The following ATP9B variants were observed in gnomAD, a reference collection of about 807,000 sequenced individuals.
ATP9B encodes probable phospholipid-transporting ATPase IIB.
A neutral mutation model predicts 146.1 loss-of-function variants in ATP9B; 110 were observed. That is an observed-to-expected ratio of 0.75 (90% CI 0.65 to 0.88). The LOEUF (loss-of-function observed/expected upper bound fraction) is 0.88. ATP9B is among the 40% of genes least tolerant of loss of function. The pLI is 0.00. For synonymous variants in ATP9B, 604 were observed against 569.7 expected (o/e 1.06, Z -0.86); for missense variants, 1,499 against 1,496.4 (o/e 1.00, Z -0.03).
chr18:79,083,865 CTTT>C (rs60063648), intron 1 of ATP9B, among the ~76,000 whole-genome samples: 7 of 139,278 alleles, frequency 5.0e-5, no homozygotes, highest in Middle Eastern at 3.4e-3. Context: ...CCATCTTCTT[CTTT>C]TTTTTTTTTT....
At chr18:79,125,567 A>G (rs891046088) in intron 4 of ATP9B, among the ~76,000 whole-genome samples, 2 of 152,206 alleles carry the variant, frequency 1.3e-5, no homozygotes, top group Non-Finnish European at 2.9e-5. Flanking sequence ...GTCATCATTA[A>G]TAATAGAGAT....
At chr18:79,168,037 C>T (rs2095005246) in intron 7 of ATP9B, among the ~76,000 whole-genome samples, 1 of 152,208 alleles carries the variant, frequency 6.6e-6, no homozygotes, top group Admixed American at 6.5e-5. Flanking sequence ...TACCTGCCAA[C>T]TCGGAAGGGG....
chr18:79,327,605 G>T (rs1414789528), intron 15 of ATP9B, among the ~76,000 whole-genome samples: 9 of 137,878 alleles, frequency 6.5e-5, no homozygotes, highest in African/African-American at 2.5e-4. Context: ...GCCCTCCGTG[G>T]TTAGCGTGCC....
chr18:79,139,000 C>T (rs1023391328), intron 5 of ATP9B, among the ~76,000 whole-genome samples: 1 of 152,082 alleles, frequency 6.6e-6, no homozygotes, highest in African/African-American at 2.4e-5. Flanking sequence ...CCAGGGAGAT[C>T]GAGGCCACAG....
chr18:79,323,606 T>G (rs980496578), intron 15 of ATP9B, among the ~76,000 whole-genome samples: 4 of 152,228 alleles, frequency 2.6e-5, no homozygotes, highest in African/African-American at 9.6e-5. Context: ...AATGTGCCCC[T>G]GTTCCATTCA....
intron 15 of ATP9B, among the ~76,000 whole-genome samples, chr18:79,317,763 C>T (rs959407642): frequency 2.0e-5 from 3 of 152,132 alleles, no homozygotes; most frequent in Non-Finnish European, 2.9e-5. Context: ...TGTACCTCTC[C>T]GGGGTGGTGG....
Position 79,253,441 on chromosome 18 carries a change from G to A in ATP9B, c.1168G>A (p.Ala390Thr). The A allele has an allele frequency of 6.2e-7, 1 of 1,613,300 alleles. No homozygotes were observed. The highest frequency in any genetic ancestry group is 8.5e-7 in the Non-Finnish European group (1 of 1,179,800). Residue 390 changes from alanine (A) to threonine (T), a missense_variant, in exon 12 of 30, where the codon GCT becomes ACT. By Grantham distance (58) the Ala-to-Thr change is moderately conservative. Coordinates refer to ENST00000426216, the MANE Select transcript of ATP9B (RefSeq NM_198531.5). ...LTKALFLALV[A>T]LSIVMVTLQG... ...GAAAGCGCTATTTTTGGCTTTAGTT[G>A]CTCTTTCCATTGTTATGGTAACCTT...
intron 9 of ATP9B, among the ~76,000 whole-genome samples, chr18:79,198,700 A>G (rs144172527): frequency 2.5e-3 from 379 of 152,330 alleles, no homozygotes; most frequent in African/African-American, 8.8e-3. Flanking sequence ...GTATCTAACC[A>G]TAGAAAAGGT....
At chr18:79,235,522 CTT>C (rs2095833178) in intron 11 of ATP9B, among the ~76,000 whole-genome samples, 1 of 151,968 alleles carries the variant, frequency 6.6e-6, no homozygotes, top group Admixed American at 6.6e-5. Flanking sequence ...TTCTGTGACA[CTT>C]TTTGGTTTTT....
In ATP9B at chr18:79,178,365, T is replaced by A. The variant is rs554676025; in HGVS notation, c.873+1458T>A. Reference sequence around the variant, plus strand: ...CAGTGATATCTTATCGTGGCTTCAGTTTGCGTTTCTGTGATGGCCGGTTGT... The same window carrying A: ...CAGTGATATCTTATCGTGGCTTCAGATTGCGTTTCTGTGATGGCCGGTTGT... On this transcript the variant is annotated intron_variant, in intron 8 of 29. Coordinates refer to ENST00000426216, the MANE Select transcript of ATP9B (RefSeq NM_198531.5). Among the ~76,000 whole-genome samples, 14 of 152,294 alleles carry A rather than the reference T, an allele frequency of 9.2e-5. No individual in the cohort carries two copies. In the East Asian group the frequency reaches 1.3e-3, roughly 15 times the overall value.
At chr18:79,107,589 G>A (rs2146943397) in intron 2 of ATP9B, among the ~76,000 whole-genome samples, 1 of 152,290 alleles carries the variant, frequency 6.6e-6, no homozygotes, top group South Asian at 2.1e-4. Context: ...TTGCAGATGA[G>A]TGAACAGAGA....
intron 11 of ATP9B, 95 bp from the exon 12 acceptor site, chr18:79,253,286 G>GTTTT: frequency 9.4e-7 from 1 of 1,066,150 alleles, no homozygotes; most frequent in Non-Finnish European, 1.3e-6. Context: ...AAATTTTAAA[G>GTTTT]TTTTTTTTTT....
At chr18:79,118,815 A>G (rs2094139384) in intron 4 of ATP9B, among the ~76,000 whole-genome samples, 1 of 152,054 alleles carries the variant, frequency 6.6e-6, no homozygotes, top group African/African-American at 2.4e-5. Flanking sequence ...CGTACCAGTA[A>G]TCTCAGCACT....
In ATP9B at chr18:79,307,057, A is replaced by C; in HGVS notation, c.1596A>C (p.Lys532Asn). 6.2e-7 allele frequency: 1 copy of C among 1,614,240 alleles called. No homozygotes were observed. Among genetic ancestry groups the C allele is most frequent in the East Asian group, 2.2e-5 (1 of 44,888 alleles). The stretch of plus-strand genomic sequence containing the variant: ...GAAAAGCCCAATCTTCAGCTCCCAA[A>C]GTTAGGAAAAGTGTCAGTAGTCGAA... ...PLRKAQSSAPKVRKSVSSRIH... is the reference protein window; with the variant it reads ...PLRKAQSSAPNVRKSVSSRIH... Residue 532 changes from lysine to asparagine, a missense_variant, in exon 15 of 30, where the codon AAA becomes AAC. Coordinates refer to ENST00000426216, the MANE Select transcript of ATP9B (RefSeq NM_198531.5).
intron 11 of ATP9B, among the ~76,000 whole-genome samples, chr18:79,225,170 T>G (rs577630143): frequency 6.6e-6 from 1 of 152,372 alleles, no homozygotes; most frequent in Non-Finnish European, 1.5e-5. Flanking sequence ...CTTATTCATC[T>G]TTTCATACAG....
chr18:79,279,960 C>T (rs979860071), intron 13 of ATP9B, among the ~76,000 whole-genome samples: 3 of 152,160 alleles, frequency 2.0e-5, no homozygotes, highest in Non-Finnish European at 4.4e-5. Flanking sequence ...ACTCTCCAGC[C>T]GTTTTGCTCC....
intron 8 of ATP9B, among the ~76,000 whole-genome samples, chr18:79,184,330 T>C (rs2095283309): frequency 6.6e-6 from 1 of 152,162 alleles, no homozygotes; most frequent in Admixed American, 6.5e-5. Flanking sequence ...AAGAATTGTT[T>C]GAGAGTTAAG....
chr18:79,350,606 G>C (rs754049754), intron 25 of ATP9B, among the ~76,000 whole-genome samples: 1 of 152,204 alleles, frequency 6.6e-6, no homozygotes, highest in African/African-American at 2.4e-5. Flanking sequence ...GATGGAAATG[G>C]TGGTAGGATT....
intron 5 of ATP9B, among the ~76,000 whole-genome samples, chr18:79,133,467 A>T (rs78752981): frequency 1.3e-5 from 2 of 152,092 alleles, no homozygotes; most frequent in African/African-American, 4.8e-5. Flanking sequence ...ACCAAGGTAG[A>T]TATACTCAGA....
Sources: gnomAD v4.1 joint callset for allele counts (sites outside exome capture counted in the v4.1 genomes callset) on GRCh38, gnomAD v4.1.1 for gene constraint, MANE v1.5 for transcripts, NCBI Gene and HGNC (gene_info 2026-07-23, HGNC 2026-07-21) for gene names.